The following KALRN variants were observed in gnomAD, a reference collection of about 807,000 sequenced individuals.
KALRN encodes kalirin.
Under a neutral mutation model 353.7 loss-of-function variants are expected in KALRN, and 70 were observed. The ratio of observed to expected loss-of-function variants is 0.20; its 90% CI spans 0.16 to 0.24. The LOEUF is 0.24. Among genes scored for constraint, KALRN ranks in the 10% least tolerant of loss-of-function variants. The pLI, the probability that KALRN is intolerant of heterozygous loss-of-function variation, is 1.00. For missense variants in KALRN, 2,791 were observed against 3,756.7 expected, an observed-to-expected ratio of 0.74 and a Z score of 6.72; for synonymous variants, 1,391 against 1,434.8, an observed-to-expected ratio of 0.97 and a Z score of 0.69.
At chr3:124,192,760 G>C (rs895631880) in intron 1 of KALRN, among the ~76,000 whole-genome samples, 1 of 152,232 alleles carries the variant, frequency 6.6e-6, no homozygotes, top group Non-Finnish European at 1.5e-5. Flanking sequence ...CACAGCAAGA[G>C]GCCGGCCATC....
chr3:124,519,366 A>G (rs547125245), intron 33 of KALRN: 8 of 985,472 alleles, frequency 8.1e-6, no homozygotes. Flanking sequence ...CACACTCAAG[A>G]GAGAGCCCCA....
intron 44 of KALRN, 127 bp from the exon 45 acceptor site, chr3:124,661,724 C>T (rs770757732): frequency 3.1e-5 from 24 of 762,600 alleles, no homozygotes; most frequent in Non-Finnish European, 4.5e-5. Flanking sequence ...ACAGCCAGAA[C>T]CAGCATCCCT....
chr3:124,098,392 A>G (rs1195668564), intron 1 of KALRN, among the ~76,000 whole-genome samples: 1 of 151,284 alleles, frequency 6.6e-6, no homozygotes, highest in Non-Finnish European at 1.5e-5. Flanking sequence ...CTTCGTTCCT[A>G]CCTCTGGTCT....
intron 33 of KALRN, among the ~76,000 whole-genome samples, chr3:124,555,027 G>A (rs927151440): frequency 4.6e-5 from 7 of 152,078 alleles, no homozygotes; most frequent in African/African-American, 1.7e-4. Context: ...CATTTTTCAG[G>A]AAAGTGCGCA....
intron 11 of KALRN, among the ~76,000 whole-genome samples, chr3:124,388,022 A>G (rs2088672796): frequency 6.6e-6 from 1 of 152,086 alleles, no homozygotes; most frequent in Non-Finnish European, 1.5e-5. Context: ...ATGTATATGT[A>G]CATGTATATG....
chr3:124,176,188 A>C (rs974956426), intron 1 of KALRN, among the ~76,000 whole-genome samples: 1 of 151,982 alleles, frequency 6.6e-6, no homozygotes, highest in Non-Finnish European at 1.5e-5. Context: ...AAGTCTTTTC[A>C]GTTGTTTTTT....
intron 9 of KALRN, among the ~76,000 whole-genome samples, chr3:124,340,528 AAAG>A (rs564345707): frequency 5.9e-5 from 9 of 152,190 alleles, no homozygotes; most frequent in Non-Finnish European, 8.8e-5. Context: ...GTCTCCAAAA[AAAG>A]AAGAAGAAGA....
At chr3:124,052,917 G>A (rs1001875954) in intron 1 of KALRN, among the ~76,000 whole-genome samples, 4 of 152,188 alleles carry the variant, frequency 2.6e-5, no homozygotes, top group Non-Finnish European at 5.9e-5. Context: ...GAAGAAAGGT[G>A]AGCAAAGGGA....
chr3:124,372,673 A>C (rs1482244985), intron 10 of KALRN, among the ~76,000 whole-genome samples: 1 of 151,768 alleles, frequency 6.6e-6, no homozygotes, highest in Non-Finnish European at 1.5e-5. Context: ...AATTGTAGTG[A>C]GTGGGTAATA....
intron 10 of KALRN, among the ~76,000 whole-genome samples, chr3:124,351,943 G>T (rs1291194552): frequency 6.6e-6 from 1 of 152,166 alleles, no homozygotes; most frequent in Non-Finnish European, 1.5e-5. Flanking sequence ...AGTCATGACA[G>T]CCTCCCTAGA....
intron 13 of KALRN, among the ~76,000 whole-genome samples, chr3:124,399,739 T>C (rs1278482354): frequency 6.6e-6 from 1 of 152,202 alleles, no homozygotes; most frequent in African/African-American, 2.4e-5. Flanking sequence ...TCTCATAAAC[T>C]CCTCAGTTTA....
intron 1 of KALRN, among the ~76,000 whole-genome samples, chr3:124,041,362 T>G (rs2039952433): frequency 6.6e-6 from 1 of 152,194 alleles, no homozygotes; most frequent in Admixed American, 6.5e-5. Context: ...TCTGAAAAGT[T>G]GTACAATACT....
intron 5 of KALRN, among the ~76,000 whole-genome samples, chr3:124,298,068 A>G (rs1030538572): frequency 1.3e-5 from 2 of 152,232 alleles, no homozygotes; most frequent in Admixed American, 6.5e-5. Flanking sequence ...TGTTTGGCTT[A>G]GGTCTGGTGT....
rs1386721332 is a variant in KALRN, at chr3:124,655,628, A to G, written c.5823A>G (p.Thr1941=). The part of the protein sequence containing the change: ...RMFVLNELVQ[T]EKDYVKDLGI... ...TTGTCCTGAATGAGCTGGTACAGAC[A>G]GAGAAAGACTATGTCAAGGATCTGG... Residue 1941 remains threonine, a synonymous_variant, in exon 39 of 60, where the codon ACA becomes ACG. Coordinates refer to ENST00000682506, the MANE Select transcript of KALRN (RefSeq NM_001388419.1). The G allele has an allele frequency of 2.5e-6, 4 of 1,614,020 alleles. No homozygotes were observed. The highest frequency in any genetic ancestry group is 2.7e-5 in the African/African-American group (2 of 74,934).
intron 3 of KALRN, among the ~76,000 whole-genome samples, chr3:124,260,839 G>T (rs1198114394): frequency 1.4e-5 from 2 of 147,796 alleles, no homozygotes; most frequent in Admixed American, 6.8e-5. Context: ...ATGCTCTTTT[G>T]CTTCTCTGAC....
At chr3:124,608,366 G>A (rs941606970) in intron 34 of KALRN, among the ~76,000 whole-genome samples, 3 of 152,106 alleles carry the variant, frequency 2.0e-5, no homozygotes, top group Non-Finnish European at 2.9e-5. Context: ...CACACTTTAA[G>A]TCTCTAGAAT....
At chr3:124,304,127 AACACACACAC>A (rs3055892) in intron 6 of KALRN, among the ~76,000 whole-genome samples, 7 of 147,388 alleles carry the variant, frequency 4.7e-5, no homozygotes, top group South Asian at 4.4e-4. Context: ...TTTTGTTGTA[AACACACACAC>A]ACACACACAC....
chr3:124,441,832 GA>G (rs11303558), intron 18 of KALRN, 112 bp from the exon 19 acceptor site: 187,794 of 486,738 alleles, frequency 0.39, 14,745 homozygotes, highest in African/African-American at 0.45. Flanking sequence ...TCTCAAAAAA[GA>G]AAAAAAAAAA....
At chr3:124,463,094 G>A (rs932730386) in intron 25 of KALRN, among the ~76,000 whole-genome samples, 26 of 152,050 alleles carry the variant, frequency 1.7e-4, no homozygotes, top group Admixed American at 2.0e-4. Context: ...GATATCAACC[G>A]ATACTCTGTT....
Sources: allele counts gnomAD v4.1 joint callset (sites outside exome capture counted in the v4.1 genomes callset), GRCh38; gene constraint gnomAD v4.1.1; transcripts MANE v1.5; gene names NCBI Gene and HGNC (gene_info 2026-07-23, HGNC 2026-07-21).